The following NYAP2 variants were observed in gnomAD, a reference collection of about 807,000 sequenced individuals.
The protein encoded by NYAP2 is neuronal tyrosine-phosphorylated phosphoinositide-3-kinase adaptor 2.
NYAP2 carries 23 observed loss-of-function variants against 50.4 expected under a neutral mutation model. The observed-to-expected ratio is 0.46, with a 90% confidence interval of 0.33 to 0.65. The LOEUF is 0.65. Ranked by LOEUF, NYAP2 falls within the 30% of genes least tolerant of loss-of-function variation. The probability of loss-of-function intolerance (pLI) is 0.02; values close to 1 mark genes in which losing one functional copy is unlikely to be tolerated. For synonymous variants in NYAP2, 394 were observed against 365.2 expected (o/e 1.08, Z -0.90); for missense variants, 885 against 861.0 (o/e 1.03, Z -0.35).
intron 3 of NYAP2, among the ~76,000 whole-genome samples, chr2:225,472,178 G>A (rs901262941): frequency 8.5e-5 from 13 of 152,142 alleles, no homozygotes; most frequent in African/African-American, 3.1e-4. Flanking sequence ...TGGCTCGCAC[G>A]ACTCATCCTG....
chr2:225,703,346 A>G, the NYAP2 span: 8 of 151,778 alleles, frequency 5.3e-5, no homozygotes, highest in African/African-American at 1.9e-4. Context: ...AATTCATTAG[A>G]AATGTCAGGT....
chr2:225,620,144 C>T (rs1250791601), intron 5 of NYAP2, among the ~76,000 whole-genome samples: 1 of 152,206 alleles, frequency 6.6e-6, no homozygotes, highest in Non-Finnish European at 1.5e-5. Flanking sequence ...TTGTTTTCAA[C>T]AGACTTTAAA....
chr2:225,483,243 C>G (rs1349268787), intron 3 of NYAP2, among the ~76,000 whole-genome samples: 1 of 152,040 alleles, frequency 6.6e-6, no homozygotes, highest in Non-Finnish European at 1.5e-5. Flanking sequence ...CTAGGGGAAA[C>G]ATTTGAAGGT....
chr2:225,645,688 A>T (rs904703177), intron 6 of NYAP2, among the ~76,000 whole-genome samples: 1 of 152,160 alleles, frequency 6.6e-6, no homozygotes, highest in African/African-American at 2.4e-5. Flanking sequence ...CTCAATTAGG[A>T]TTTCCTTGGG....
intron 4 of NYAP2, among the ~76,000 whole-genome samples, chr2:225,521,258 C>T (rs896507612): frequency 0.013 from 2,002 of 151,832 alleles, 32 homozygotes; most frequent in Non-Finnish European, 0.018. Flanking sequence ...AATTGAATAC[C>T]CTTTATTTCC....
chr2:225,623,512 G>A (rs1053938929), intron 5 of NYAP2, among the ~76,000 whole-genome samples: 2 of 151,920 alleles, frequency 1.3e-5, no homozygotes, highest in Non-Finnish European at 1.5e-5. Context: ...TAAAAGTAAC[G>A]ATTTAATGAC....
At chr2:225,608,056 T>A (rs1252410326) in intron 5 of NYAP2, among the ~76,000 whole-genome samples, 1 of 152,070 alleles carries the variant, frequency 6.6e-6, no homozygotes, top group Non-Finnish European at 1.5e-5. Flanking sequence ...GACAATGAGG[T>A]TGGTTAACAA....
chr2:225,457,157 T>C (rs1393558516), intron 3 of NYAP2, among the ~76,000 whole-genome samples: 3 of 152,284 alleles, frequency 2.0e-5, no homozygotes, highest in Non-Finnish European at 4.4e-5. Flanking sequence ...CTATGCGGAG[T>C]GAATGCAATG....
chr2:225,627,733 C>A (rs1396032295), intron 6 of NYAP2, among the ~76,000 whole-genome samples: 1 of 152,082 alleles, frequency 6.6e-6, no homozygotes, highest in East Asian at 1.9e-4. Context: ...ATCTGCAATG[C>A]AATTTTACAT....
chr2:225,555,497 A>G (rs1691760920), intron 4 of NYAP2, among the ~76,000 whole-genome samples: 1 of 152,196 alleles, frequency 6.6e-6, no homozygotes, highest in East Asian at 1.9e-4. Context: ...ATGACTGCTT[A>G]TAGAAACAAC....
chr2:225,513,481 C>T lies in NYAP2; in HGVS notation c.332C>T (p.Ser111Phe), dbSNP rs1283487046. The T allele has an allele frequency of 8.7e-6, 14 of 1,613,970 alleles. No homozygotes were observed. Among genetic ancestry groups the T allele is most frequent in the Non-Finnish European group, 1.1e-5 (13 of 1,179,874 alleles). ...CAGGACAGACTTCCCCATCCTTGCT[C>T]CAGTGGCTTTTCTGTGAGATCACAG... The change falls in exon 4 of 7, where the codon TCC (serine) becomes TTC (phenylalanine). Residue 111 changes from serine (S) to phenylalanine (F), a missense_variant. By Grantham distance (155) the Ser-to-Phe change is radical. Transcript: ENST00000636099.
chr2:225,574,017 C>A (rs1439023119), intron 4 of NYAP2, among the ~76,000 whole-genome samples: 1 of 152,100 alleles, frequency 6.6e-6, no homozygotes, highest in Non-Finnish European at 1.5e-5. Flanking sequence ...GCCTTCCAGC[C>A]ACAATATTTC....
chr2:225,638,392 G>T (rs1693464722), intron 6 of NYAP2, among the ~76,000 whole-genome samples: 3 of 152,060 alleles, frequency 2.0e-5, no homozygotes, highest in Admixed American at 1.3e-4. Context: ...CAAGAGACTG[G>T]GTGAATGGTC....
chr2:225,450,191 G>A (rs1472238646), intron 3 of NYAP2, among the ~76,000 whole-genome samples: 1 of 152,174 alleles, frequency 6.6e-6, no homozygotes, highest in East Asian at 1.9e-4. Context: ...TAAGTATAGA[G>A]TAGGGAGCAG....
At chr2:225,625,976 A>T (rs1449817651) in intron 5 of NYAP2, among the ~76,000 whole-genome samples, 1 of 152,220 alleles carries the variant, frequency 6.6e-6, no homozygotes, top group Non-Finnish European at 1.5e-5. Context: ...GTGGAAGAGA[A>T]GCAAGAGCAA....
At chr2:225,529,305 G>GT (rs1339004199) in intron 4 of NYAP2, among the ~76,000 whole-genome samples, 1 of 151,826 alleles carries the variant, frequency 6.6e-6, no homozygotes, top group Middle Eastern at 3.2e-3. Flanking sequence ...TCTTTTGTTT[G>GT]TTTTTTGTTT....
At chr2:225,548,886 AT>A (rs11346817) in intron 4 of NYAP2, among the ~76,000 whole-genome samples, 90,884 of 146,580 alleles carry the variant, frequency 0.62, 29,365 homozygotes, top group South Asian at 0.84. Flanking sequence ...GAATGCAGCA[AT>A]TTTTTTTTTT....
the NYAP2 span, among the ~76,000 whole-genome samples, chr2:225,683,975 G>A: frequency 2.0e-3 from 303 of 152,268 alleles, 2 homozygotes; most frequent in African/African-American, 6.8e-3. Context: ...AATTATGAGA[G>A]AAGTCTAGTC....
intron 4 of NYAP2, among the ~76,000 whole-genome samples, chr2:225,535,955 A>G (rs1691342184): frequency 6.6e-6 from 1 of 152,228 alleles, no homozygotes; most frequent in Non-Finnish European, 1.5e-5. Flanking sequence ...TAGACTCTAT[A>G]TAAACACTCA....
Sources: gnomAD v4.1 joint callset for allele counts (sites outside exome capture counted in the v4.1 genomes callset) on GRCh38, gnomAD v4.1.1 for gene constraint, MANE v1.5 for transcripts, NCBI Gene and HGNC (gene_info 2026-07-23, HGNC 2026-07-21) for gene names.